Variants in FUT8 observed in about 807,000 individuals in gnomAD.
The protein encoded by FUT8 is fucosyltransferase 8, also known as alpha-(1,6)-fucosyltransferase.
FUT8 carries 29 observed loss-of-function variants against 71.3 expected under a neutral mutation model. The ratio of observed to expected loss-of-function variants is 0.41; its 90% CI spans 0.30 to 0.55. FUT8 has a LOEUF of 0.55. FUT8 is among the 20% of genes least tolerant of loss of function. FUT8 has a pLI of 0.34. For missense variants in FUT8, 544 were observed against 702.1 expected (o/e 0.77, Z 2.55); for synonymous variants, 254 against 239.3 (o/e 1.06, Z -0.57).
chr14:65,411,883 G>C (rs1036644157), upstream of FUT8: 2 of 371,044 alleles, frequency 5.4e-6, no homozygotes, highest in Non-Finnish European at 5.3e-6. Context: ...TGTGTGCTGG[G>C]GCGGCGCGCT....
intron 2 of FUT8, among the ~76,000 whole-genome samples, chr14:65,511,236 A>T (rs1882319553): frequency 6.6e-6 from 1 of 151,742 alleles, no homozygotes; most frequent in African/African-American, 2.4e-5. Flanking sequence ...CTTGCTATTG[A>T]TTTCTAGTTT....
chr14:65,441,823 A>G (rs1421485999), intron 1 of FUT8, among the ~76,000 whole-genome samples: 2 of 149,890 alleles, frequency 1.3e-5, no homozygotes, highest in Non-Finnish European at 3.0e-5. Flanking sequence ...TTATACTTTA[A>G]GTTCTAGGGT....
chr14:65,642,268 G>A (rs916477084), intron 6 of FUT8, among the ~76,000 whole-genome samples: 1 of 151,986 alleles, frequency 6.6e-6, no homozygotes, highest in Non-Finnish European at 1.5e-5. Context: ...TTTTTTCAAA[G>A]ATTATGTCTT....
At chr14:65,390,635 G>A in the FUT8 span, among the ~76,000 whole-genome samples, 1 of 151,722 alleles carries the variant, frequency 6.6e-6, no homozygotes, top group African/African-American at 2.4e-5. Context: ...ACTAGATGAT[G>A]TATTTAAAGG....
the FUT8 span, among the ~76,000 whole-genome samples, chr14:65,368,942 G>A: frequency 6.6e-6 from 1 of 152,226 alleles, no homozygotes; most frequent in Admixed American, 6.5e-5. Context: ...TTACAGGCGT[G>A]AGCCACCATG....
intron 1 of FUT8, among the ~76,000 whole-genome samples, chr14:65,433,212 AT>A (rs564355693): frequency 9.9e-5 from 15 of 151,086 alleles, no homozygotes; most frequent in East Asian, 3.9e-4. Context: ...TTTCTGTTTC[AT>A]TTTTTTTTGA....
At position 65,640,540 on chromosome 14, in the gene FUT8, C is replaced by T. The variant is rs1323476668; in HGVS notation, c.597+10934C>T. 3.9e-5 allele frequency among the ~76,000 whole-genome samples: 6 copies of T among 152,098 alleles called. 1 individual carries two copies. Among genetic ancestry groups the T allele is most frequent in the Non-Finnish European group, 8.8e-5 (6 of 67,912 alleles). On this transcript the variant is annotated intron_variant, in intron 6 of 10. Transcript: ENST00000673929. ...CTTTCATACAAAAGTAGAAATCTGT[C>T]AACAGTATTTACTCATATTATTTTA...
intron 7 of FUT8, among the ~76,000 whole-genome samples, chr14:65,686,813 G>A (rs1208321684): frequency 6.6e-6 from 1 of 152,112 alleles, no homozygotes; most frequent in Non-Finnish European, 1.5e-5. Context: ...GAACCTTTAT[G>A]TCAATATTAA....
chr14:65,364,874 C>T, the FUT8 span, among the ~76,000 whole-genome samples: 1 of 152,132 alleles, frequency 6.6e-6, no homozygotes, highest in Non-Finnish European at 1.5e-5. Context: ...TCACATCATT[C>T]CTGGGCCACA....
chr14:65,497,470 T>C (rs1165491781), intron 2 of FUT8, among the ~76,000 whole-genome samples: 1 of 152,332 alleles, frequency 6.6e-6, no homozygotes, highest in Admixed American at 6.5e-5. Context: ...ATAATTCTTA[T>C]TCTCTATGAA....
At chr14:65,594,110 A>T (rs750596828) in intron 3 of FUT8, among the ~76,000 whole-genome samples, 1 of 152,222 alleles carries the variant, frequency 6.6e-6, no homozygotes, top group Non-Finnish European at 1.5e-5. Flanking sequence ...CTGATGCAGG[A>T]TATTTTCTTG....
At chr14:65,503,199 G>A (rs930634240) in intron 2 of FUT8, among the ~76,000 whole-genome samples, 6 of 152,210 alleles carry the variant, frequency 3.9e-5, no homozygotes, top group African/African-American at 1.2e-4. Context: ...GCAGAAATGT[G>A]CCTATCACTT....
At chr14:65,402,035 T>C in the FUT8 span, among the ~76,000 whole-genome samples, 1 of 151,844 alleles carries the variant, frequency 6.6e-6, no homozygotes, top group Non-Finnish European at 1.5e-5. Context: ...GTGTTTCAGC[T>C]CTGGGGTAAG....
intron 10 of FUT8, among the ~76,000 whole-genome samples, chr14:65,740,971 C>T (rs1039979141): frequency 7.2e-5 from 11 of 152,070 alleles, no homozygotes; most frequent in African/African-American, 1.7e-4. Context: ...CTATGAGTAG[C>T]GTCATTTTAA....
intron 1 of FUT8, among the ~76,000 whole-genome samples, chr14:65,431,993 G>A (rs1428785227): frequency 6.6e-6 from 1 of 152,044 alleles, no homozygotes; most frequent in Non-Finnish European, 1.5e-5. Flanking sequence ...TTTCAATTTG[G>A]TTACCTTATT....
At chr14:65,653,082 A>G (rs2300864) in intron 6 of FUT8, among the ~76,000 whole-genome samples, 104,967 of 151,942 alleles carry the variant, frequency 0.69, 36,543 homozygotes, top group East Asian at 0.89. Context: ...CTCAGAAGTC[A>G]CATAGCATCA....
chr14:65,417,464 T>C (rs2065235077), intron 1 of FUT8, among the ~76,000 whole-genome samples: 1 of 152,180 alleles, frequency 6.6e-6, no homozygotes, highest in Non-Finnish European at 1.5e-5. Flanking sequence ...CATATAAACT[T>C]TATATGATAC....
At chr14:65,513,313 G>A (rs991532739) in intron 2 of FUT8, among the ~76,000 whole-genome samples, 16 of 152,154 alleles carry the variant, frequency 1.1e-4, no homozygotes, top group Non-Finnish European at 1.3e-4. Flanking sequence ...GCATTAGTTG[G>A]CATTTATACA....
Position 65,439,954 on chromosome 14 carries a change from G to GTGTGTACATATA in FUT8, c.-325-15666_-325-15665insGTGTACATATAT. On this transcript the variant is annotated intron_variant, in intron 1 of 10. Coordinates refer to ENST00000673929, the MANE Select transcript of FUT8 (RefSeq NM_001371533.1). The stretch of plus-strand genomic sequence containing the variant: ...ATAAAGAAAATGTGTGTGTGTGTGT[G>GTGTGTACATATA]TATATATATATATATATATATATAT... 3.1e-4 allele frequency among the ~76,000 whole-genome samples: 23 copies of GTGTGTACATATA among 74,974 alleles called. No individual in the cohort carries two copies. The East Asian group carries it at 6.1e-3, about 20-fold the overall frequency. The allele number at this position is 74,974 out of a possible 152,430, so 49.2% of individuals were successfully genotyped here. A position where few individuals can be genotyped will look rare whatever the true frequency, so the allele number is the denominator to read the frequency against.
Sources: gnomAD v4.1 joint callset for allele counts (sites outside exome capture counted in the v4.1 genomes callset) on GRCh38, gnomAD v4.1.1 for gene constraint, MANE v1.5 for transcripts, NCBI Gene and HGNC (gene_info 2026-07-23, HGNC 2026-07-21) for gene names.